The following TSPAN5 variants were observed in gnomAD, a reference collection of about 807,000 sequenced individuals.
The protein encoded by TSPAN5 is tetraspanin 5.
A neutral mutation model predicts 37.1 loss-of-function variants in TSPAN5; 10 were observed. That is an observed-to-expected ratio of 0.27 (90% confidence interval 0.17 to 0.46). The LOEUF is 0.46. TSPAN5 is among the 20% of genes least tolerant of loss of function. The pLI is 1.00. For synonymous variants in TSPAN5, 110 were observed against 118.9 expected (o/e 0.93, Z 0.48); for missense variants, 195 against 326.6 (o/e 0.60, Z 3.11).
At chr4:98,624,919 T>C (rs1271255637) in intron 1 of TSPAN5, among the ~76,000 whole-genome samples, 1 of 152,188 alleles carries the variant, frequency 6.6e-6, no homozygotes, top group Non-Finnish European at 1.5e-5. Flanking sequence ...AGATTCCTCC[T>C]ATACAGAGAG....
chr4:98,545,118 T>G (rs772447986), intron 1 of TSPAN5, among the ~76,000 whole-genome samples: 1 of 152,202 alleles, frequency 6.6e-6, no homozygotes, highest in Non-Finnish European at 1.5e-5. Flanking sequence ...AAAGTCCATG[T>G]CCATCAGATG....
chr4:98,621,008 A>G (rs886919450), intron 1 of TSPAN5, among the ~76,000 whole-genome samples: 1 of 152,234 alleles, frequency 6.6e-6, no homozygotes, highest in Non-Finnish European at 1.5e-5. Context: ...CATTGCAGGT[A>G]TACTTAATTA....
At chr4:98,614,905 G>T (rs764050987) in intron 1 of TSPAN5, among the ~76,000 whole-genome samples, 21 of 152,182 alleles carry the variant, frequency 1.4e-4, no homozygotes, top group Non-Finnish European at 2.6e-4. Flanking sequence ...TGCCATCGCA[G>T]CCAACAGCTG....
At chr4:98,501,392 T>C (rs929241460) in intron 2 of TSPAN5, among the ~76,000 whole-genome samples, 22 of 152,256 alleles carry the variant, frequency 1.4e-4, no homozygotes, top group African/African-American at 4.8e-4. Flanking sequence ...TCATTCATTC[T>C]TTCATAAGCA....
At chr4:98,654,674 C>T (rs1338005841) in intron 1 of TSPAN5, among the ~76,000 whole-genome samples, 1 of 152,162 alleles carries the variant, frequency 6.6e-6, no homozygotes, top group African/African-American at 2.4e-5. Flanking sequence ...GTCATTACAA[C>T]TGTTATATAA....
chr4:98,581,191 A>G (rs899931869), intron 1 of TSPAN5, among the ~76,000 whole-genome samples: 2 of 152,250 alleles, frequency 1.3e-5, no homozygotes, highest in African/African-American at 2.4e-5. Flanking sequence ...TGACCAAAAG[A>G]TCTTTGAATA....
chr4:98,505,666 C>A (rs1401711469), intron 2 of TSPAN5, among the ~76,000 whole-genome samples: 1 of 152,222 alleles, frequency 6.6e-6, no homozygotes, highest in East Asian at 1.9e-4. Context: ...TCATTGGTGA[C>A]CCACCAGAAT....
intron 1 of TSPAN5, among the ~76,000 whole-genome samples, chr4:98,538,283 C>T (rs1490316304): frequency 5.9e-5 from 9 of 152,234 alleles, no homozygotes; most frequent in Admixed American, 4.6e-4. Context: ...GCTGTTCTGC[C>T]TGCTCCTCAC....
intron 2 of TSPAN5, among the ~76,000 whole-genome samples, chr4:98,493,151 T>G (rs918344534): frequency 6.6e-6 from 1 of 152,226 alleles, no homozygotes; most frequent in Non-Finnish European, 1.5e-5. Context: ...CACTCCAGCC[T>G]GGGCAACAGA....
intron 1 of TSPAN5, among the ~76,000 whole-genome samples, chr4:98,624,407 G>A (rs1184112561): frequency 6.6e-6 from 1 of 152,074 alleles, no homozygotes; most frequent in East Asian, 1.9e-4. Context: ...AGTCAAGAAT[G>A]AAAGTAATGG....
intron 1 of TSPAN5, among the ~76,000 whole-genome samples, chr4:98,612,540 T>G (rs564964402): frequency 1.3e-5 from 2 of 152,310 alleles, no homozygotes; most frequent in East Asian, 3.9e-4. Context: ...TTAGCAGACC[T>G]AAACAGTGAC....
chr4:98,620,602 A>G (rs12512885), intron 1 of TSPAN5, among the ~76,000 whole-genome samples: 87,612 of 152,144 alleles, frequency 0.58, 26,591 homozygotes, highest in African/African-American at 0.77. Context: ...GCCTTGTGCC[A>G]GGAAGTCATG....
chr4:98,566,792 C>A (rs530894779), intron 1 of TSPAN5, among the ~76,000 whole-genome samples: 6 of 152,324 alleles, frequency 3.9e-5, no homozygotes, highest in African/African-American at 1.4e-4. Context: ...ACGCAAGACC[C>A]ATCTGGGACA....
intron 3 of TSPAN5, 91 bp downstream of exon 3, chr4:98,486,647 C>T (rs959456282): frequency 2.0e-6 from 3 of 1,487,618 alleles, no homozygotes; most frequent in South Asian, 1.1e-5. Flanking sequence ...GCCTTTGGTA[C>T]AGCTCACTGT....
intron 1 of TSPAN5, among the ~76,000 whole-genome samples, chr4:98,605,668 T>G (rs17027841): frequency 0.067 from 10,134 of 152,264 alleles, 516 homozygotes; most frequent in African/African-American, 0.14. Flanking sequence ...TGTCAATCCC[T>G]CGGAATACTT....
Position 98,592,353 on chromosome 4 carries a change from T to G in TSPAN5, c.81+65793A>C, listed in dbSNP as rs1304086681. On this transcript the variant is annotated intron_variant, in intron 1 of 7. Coordinates refer to ENST00000305798, the MANE Select transcript of TSPAN5 (RefSeq NM_005723.4). ...AACTGAACTTCAAAATGAGCCAGTATTCAAAAAACCAGGAGATTCACAGCA... is the reference window on the plus strand; with the variant it reads ...AACTGAACTTCAAAATGAGCCAGTAGTCAAAAAACCAGGAGATTCACAGCA... 2.0e-5 allele frequency among the ~76,000 whole-genome samples: 3 copies of G among 150,258 alleles called. No individual in the cohort carries two copies. In the East Asian group the frequency reaches 5.8e-4, roughly 29 times the overall value.
At chr4:98,538,707 C>T (rs960548807) in intron 1 of TSPAN5, among the ~76,000 whole-genome samples, 3 of 152,196 alleles carry the variant, frequency 2.0e-5, no homozygotes, top group Non-Finnish European at 2.9e-5. Flanking sequence ...TACTTTGTAT[C>T]AGTTTATACT....
intron 1 of TSPAN5, among the ~76,000 whole-genome samples, chr4:98,628,227 G>C (rs898427508): frequency 6.6e-6 from 1 of 152,038 alleles, no homozygotes; most frequent in African/African-American, 2.4e-5. Flanking sequence ...AAGGTATAAG[G>C]GTTTTTTTCA....
At chr4:98,563,156 A>T (rs1754916055) in intron 1 of TSPAN5, among the ~76,000 whole-genome samples, 1 of 152,054 alleles carries the variant, frequency 6.6e-6, no homozygotes, top group Non-Finnish European at 1.5e-5. Context: ...CTTGAAAGAG[A>T]GGTACCTGTT....
Sources: gnomAD v4.1 joint callset for allele counts (sites outside exome capture counted in the v4.1 genomes callset) on GRCh38, gnomAD v4.1.1 for gene constraint, MANE v1.5 for transcripts, NCBI Gene and HGNC (gene_info 2026-07-23, HGNC 2026-07-21) for gene names.